The following RHOXF1 variants were observed in gnomAD, a reference collection of about 807,000 sequenced individuals.
RHOXF1 encodes the protein Rhox homeobox family member 1.
A neutral mutation model predicts 9.7 loss-of-function variants in RHOXF1; 1 was observed. That is an observed-to-expected ratio of 0.10 (90% CI 0.04 to 0.49). RHOXF1 has a LOEUF of 0.49. Ranked by LOEUF, RHOXF1 falls within the 20% of genes least tolerant of loss-of-function variation. The probability of loss-of-function intolerance (pLI) is 0.95; values close to 1 mark genes in which losing one functional copy is unlikely to be tolerated. For missense variants in RHOXF1, 179 were observed against 168.0 expected, an observed-to-expected ratio of 1.07 and a Z score of -0.36; for synonymous variants, 72 against 70.2, an observed-to-expected ratio of 1.03 and a Z score of -0.13.
At chrX:120,115,156 G>C (rs1350337691) in intron 1 of RHOXF1, among the ~76,000 whole-genome samples, 7 of 111,860 alleles carry the variant, frequency 6.3e-5, no homozygotes, top group Non-Finnish European at 1.3e-4. Flanking sequence ...ACAACAATGT[G>C]AACATACTTA....
chrX:120,109,207 G>A lies in RHOXF1; in HGVS notation c.540C>T (p.Tyr180=), dbSNP rs781953124. 1 of 1,184,877 alleles carries A rather than the reference G, an allele frequency of 8.4e-7. No individual in the cohort carries two copies. Among genetic ancestry groups the A allele is most frequent in the Non-Finnish European group, 1.1e-6 (1 of 873,766 alleles). ...CATTCTAGGGCTAGTCCACGACGAT[G>A]TAGACACAGTCGTCTGGGTCAGCAC... The part of the protein sequence containing the change: ...ELRADPDDCV[Y]IVVD The change falls in exon 3 of 3, where the codon TAC becomes TAT. Residue 180 remains tyrosine, a synonymous_variant. Transcript: ENST00000217999.
chrX:120,116,996 A>C (rs1556000750), upstream of RHOXF1, among the ~76,000 whole-genome samples: 1 of 111,632 alleles, frequency 9.0e-6, no homozygotes, highest in Non-Finnish European at 1.9e-5. Flanking sequence ...TTTGGGATTT[A>C]AGGATATGCA....
chrX:120,114,040 G>A (rs782598012), intron 1 of RHOXF1, among the ~76,000 whole-genome samples: 1 of 110,040 alleles, frequency 9.1e-6, no homozygotes, highest in Non-Finnish European at 1.9e-5. Context: ...AAATGTTGCA[G>A]AGAGCTGAAA....
chrX:120,116,227 G>A (rs2057295923), upstream of RHOXF1, among the ~76,000 whole-genome samples: 1 of 57,407 alleles, frequency 1.7e-5, no homozygotes, highest in Admixed American at 2.0e-4. Context: ...TGGTGGGGGT[G>A]GGGGTAGCGG....
chrX:120,111,725 C>T (rs782346810), intron 2 of RHOXF1, among the ~76,000 whole-genome samples: 12 of 111,982 alleles, frequency 1.1e-4, no homozygotes, highest in Non-Finnish European at 1.9e-4. Flanking sequence ...AGAAATTCCT[C>T]AAGAGAACAG....
intron 2 of RHOXF1, among the ~76,000 whole-genome samples, chrX:120,111,536 A>T (rs1255718706): frequency 5.4e-5 from 6 of 112,073 alleles, no homozygotes; most frequent in Non-Finnish European, 9.4e-5. Flanking sequence ...TTAAGTGGTC[A>T]TCACTTGAAT....
At position 120,112,928 on chromosome X, in the gene RHOXF1, A is replaced by T; in HGVS notation, c.399-14T>A. On this transcript the variant is annotated splice_polypyrimidine_tract_variant and intron_variant, in intron 1 of 2. Transcript: ENST00000217999. ...GCAAGTTCCCTTCTGTGGAGAGAAG[A>T]TCACACATGGTTAGTATTCAAAGTT... 2 of 1,134,789 alleles carry T rather than the reference A, an allele frequency of 1.8e-6. No individual in the cohort carries two copies. Among genetic ancestry groups the T allele is most frequent in the Non-Finnish European group, 2.4e-6 (2 of 828,255 alleles). 93.5% of individuals were successfully genotyped at this position (1,134,789 alleles called of 1,213,427 possible). A position where few individuals can be genotyped will look rare whatever the true frequency, so the allele number is the denominator to read the frequency against.
At chrX:120,115,916 G>A, upstream of RHOXF1, 1 of 1,075,702 alleles carries the variant, frequency 9.3e-7, no homozygotes, top group African/African-American at 1.9e-5. Context: ...GCTGGAGTGG[G>A]GGTTAGAGGG....
chrX:120,116,954 C>T (rs1459286894), upstream of RHOXF1, among the ~76,000 whole-genome samples: 5 of 111,544 alleles, frequency 4.5e-5, no homozygotes, highest in Non-Finnish European at 7.5e-5. Context: ...TAAGGGCATA[C>T]CTGCCAAAAA....
At chrX:120,110,556 C>T (rs1293859550) in intron 2 of RHOXF1, among the ~76,000 whole-genome samples, 2 of 111,043 alleles carry the variant, frequency 1.8e-5, no homozygotes, top group Non-Finnish European at 3.8e-5. Flanking sequence ...GATCTGAATC[C>T]CACCCCCTAT....
rs2057254469 is a variant in RHOXF1, at chrX:120,109,242, T to A, written c.505A>T (p.Asn169Tyr). 1.7e-6 allele frequency: 2 copies of A among 1,200,477 alleles called. No homozygotes were observed. The highest frequency in any genetic ancestry group is 2.3e-6 in the Non-Finnish European group (2 of 887,241). Residue 169 changes from asparagine (N) to tyrosine (Y), a missense_variant, in exon 3 of 3, where the codon AAT becomes TAT. Physicochemically the swap from Asn to Tyr is moderately radical, Grantham distance 143. Transcript: ENST00000217999. ...RRHQRELMLA[N>Y]ELRADPDDCV... ...TCGTCTGGGTCAGCACGTAGTTCATTGGCGAGCATTAATTCTCTCTGATGT... is the reference window on the plus strand; with the variant it reads ...TCGTCTGGGTCAGCACGTAGTTCATAGGCGAGCATTAATTCTCTCTGATGT...
chrX:120,113,421 C>A (rs967199060), intron 1 of RHOXF1, among the ~76,000 whole-genome samples: 15 of 110,028 alleles, frequency 1.4e-4, no homozygotes, highest in African/African-American at 5.0e-4. Context: ...ACCACCGCAC[C>A]CGGCCAAGAT....
chrX:120,115,585 A>G lies in RHOXF1; in HGVS notation c.278T>C (p.Met93Thr), dbSNP rs1556000400. The G allele has an allele frequency of 3.5e-6, 4 of 1,155,958 alleles. No individual in the cohort carries two copies. Among genetic ancestry groups the G allele is most frequent in the South Asian group, 2.0e-5 (1 of 48,952 alleles). ...CATGTTCTCGGGCTGCGGACCCTCC[A>G]TGGCCGCCTGGGCCGGCTCCTCCGG... ...PPPEEPAQAA[M>T]EGPQPENMQP... Residue 93 changes from methionine (M) to threonine (T), a missense_variant, in exon 1 of 3, where the codon ATG becomes ACG. Physicochemically the swap from Met to Thr is moderately conservative, Grantham distance 81. Coordinates refer to ENST00000217999, the MANE Select transcript of RHOXF1 (RefSeq NM_139282.3).
At chrX:120,113,163 A>G (rs2057278256) in intron 1 of RHOXF1, among the ~76,000 whole-genome samples, 1 of 110,424 alleles carries the variant, frequency 9.1e-6, no homozygotes, top group Admixed American at 9.6e-5. Flanking sequence ...TTAAATTGAG[A>G]CAAGGTCTCA....
chrX:120,120,344 C>T (rs1047436691), upstream of RHOXF1: 1 of 111,584 alleles, frequency 9.0e-6, no homozygotes, highest in African/African-American at 3.3e-5. Flanking sequence ...AACCAGAAGC[C>T]CGGAGGTGGA....
chrX:120,109,280 G>A lies in RHOXF1; in HGVS notation c.467C>T (p.Ala156Val). ...KVRVWFKNKR[A>V]RCRRHQRELM... is the part of the protein sequence containing the mutation. ...TTCTCTCTGATGTCGCCTACATCTGGCCCTTTTATTCTTAAACCAAACCTA... is the reference window on the plus strand; with the variant it reads ...TTCTCTCTGATGTCGCCTACATCTGACCCTTTTATTCTTAAACCAAACCTA... Residue 156 changes from alanine to valine, a missense_variant, in exon 3 of 3, where the codon GCC (alanine) becomes GTC (valine). Physicochemically the swap from Ala to Val is moderately conservative, Grantham distance 64. Coordinates refer to ENST00000217999, the MANE Select transcript of RHOXF1 (RefSeq NM_139282.3). The A allele has an allele frequency of 8.4e-7, 1 of 1,184,781 alleles. No individual in the cohort carries two copies. The highest frequency in any genetic ancestry group is 1.1e-6 in the Non-Finnish European group (1 of 874,356).
Position 120,115,899 on chromosome X carries a change from G to A in RHOXF1, c.-37C>T, listed in dbSNP as rs781843928. 5 of 1,123,433 alleles carry A rather than the reference G, an allele frequency of 4.5e-6. No individual in the cohort carries two copies. The highest frequency in any genetic ancestry group is 3.9e-5 in the African/African-American group (2 of 51,911). The allele number at this position is 1,123,433 out of a possible 1,213,427, so 92.6% of individuals were successfully genotyped here. ...TGCGCCCCTGCACAAACTCCGTGGC[G>A]TCTGCAGCTGGAGTGGGGGTTAGAG... On this transcript the variant is annotated 5_prime_UTR_variant, in exon 1 of 3. It adds an upstream start codon to the 5' untranslated region. Transcript: ENST00000217999.
chrX:120,118,665 A>C (rs1333201763), upstream of RHOXF1, among the ~76,000 whole-genome samples: 2 of 111,174 alleles, frequency 1.8e-5, no homozygotes, highest in East Asian at 5.6e-4. Flanking sequence ...TATCATCTTA[A>C]ACCTGGGATA....
intron 2 of RHOXF1, among the ~76,000 whole-genome samples, chrX:120,111,553 A>T (rs1375314153): frequency 5.4e-5 from 6 of 111,998 alleles, no homozygotes; most frequent in Non-Finnish European, 1.1e-4. Flanking sequence ...GAATCCTATG[A>T]CCTACTAATT....
Sources: gnomAD v4.1 joint callset for allele counts (sites outside exome capture counted in the v4.1 genomes callset) on GRCh38, gnomAD v4.1.1 for gene constraint, MANE v1.5 for transcripts, NCBI Gene and HGNC (gene_info 2026-07-23, HGNC 2026-07-21) for gene names.